Variants in ACSF3 observed in about 807,000 individuals in gnomAD.
ACSF3 encodes the protein acyl-CoA synthetase family member 3.
ACSF3 carries 78 observed loss-of-function variants against 53.2 expected under a neutral mutation model. That is an observed-to-expected ratio of 1.47 (90% confidence interval 1.22 to 1.77). ACSF3 has a LOEUF of 1.77. Ranked by LOEUF, ACSF3 falls within the 40% of genes most tolerant of loss-of-function variation. The probability of loss-of-function intolerance (pLI) is 0.00; values close to 1 mark genes in which losing one functional copy is unlikely to be tolerated. For missense variants in ACSF3, 937 were observed against 771.1 expected, an observed-to-expected ratio of 1.22 and a Z score of -2.55; for synonymous variants, 414 against 333.1, an observed-to-expected ratio of 1.24 and a Z score of -2.65.
intron 8 of ACSF3, among the ~76,000 whole-genome samples, chr16:89,134,540 G>C (rs917635567): frequency 6.6e-6 from 1 of 152,170 alleles, no homozygotes; most frequent in Non-Finnish European, 1.5e-5. Flanking sequence ...AGCTCAACTT[G>C]AGCCGTAACT....
At chr16:89,117,630 G>A (rs556976772) in intron 6 of ACSF3, among the ~76,000 whole-genome samples, 9 of 151,392 alleles carry the variant, frequency 5.9e-5, no homozygotes, top group Admixed American at 3.9e-4. Context: ...AGGGACCGCC[G>A]TCCACACCAA....
At chr16:89,119,663 T>A (rs1299589819) in intron 6 of ACSF3, among the ~76,000 whole-genome samples, 2 of 151,360 alleles carry the variant, frequency 1.3e-5, no homozygotes, top group Admixed American at 1.3e-4. Context: ...CTGACCAGAG[T>A]GGAGGTTCGG....
intron 4 of ACSF3, among the ~76,000 whole-genome samples, chr16:89,110,224 A>G (rs1976526345): frequency 6.6e-6 from 1 of 152,246 alleles, no homozygotes. Flanking sequence ...TTGCCAAACC[A>G]CAGGTCATGT....
intron 4 of ACSF3, among the ~76,000 whole-genome samples, chr16:89,109,850 G>A (rs1976481391): frequency 6.6e-6 from 1 of 152,202 alleles, no homozygotes. Context: ...GCCTCCCAAA[G>A]TGCCGGGATT....
intron 8 of ACSF3, among the ~76,000 whole-genome samples, chr16:89,143,935 T>G (rs1238714431): frequency 6.6e-6 from 1 of 152,228 alleles, no homozygotes. Flanking sequence ...GAAGTATTTA[T>G]GATTTATTCC....
chr16:89,104,796 C>G (rs1567691082), intron 4 of ACSF3, among the ~76,000 whole-genome samples: 1 of 152,220 alleles, frequency 6.6e-6, no homozygotes, highest in Non-Finnish European at 1.5e-5. Context: ...AGAGAAGGGG[C>G]TCTTCTCTAG....
chr16:89,146,424 G>A (rs180875639), intron 10 of ACSF3, among the ~76,000 whole-genome samples: 8 of 152,220 alleles, frequency 5.3e-5, no homozygotes, highest in East Asian at 3.9e-4. Context: ...CTGGCCGCAC[G>A]CGCTGGGCCC....
intron 5 of ACSF3, chr16:89,113,280 C>T (rs528676686): frequency 1.3e-5 from 2 of 152,466 alleles, no homozygotes; most frequent in East Asian, 3.9e-4. Flanking sequence ...CGCGCTCCTC[C>T]CAGTCCCCAG....
chr16:89,117,986 C>T (rs1464703931), intron 6 of ACSF3, among the ~76,000 whole-genome samples: 7 of 109,942 alleles, frequency 6.4e-5, no homozygotes, highest in Non-Finnish European at 4.0e-5. Flanking sequence ...ATTCCCTCTT[C>T]TCTAAGGCAG....
intron 8 of ACSF3, among the ~76,000 whole-genome samples, chr16:89,144,067 C>T (rs1183121629): frequency 1.3e-5 from 2 of 152,268 alleles, no homozygotes; most frequent in African/African-American, 4.8e-5. Context: ...CACATGCTCA[C>T]AGTCACGCAT....
chr16:89,116,683 A>G (rs1905174028), intron 6 of ACSF3, among the ~76,000 whole-genome samples: 1 of 152,146 alleles, frequency 6.6e-6, no homozygotes, highest in African/African-American at 2.4e-5. Context: ...GGGTGGGGGC[A>G]TGTTGTGAAA....
At chr16:89,095,821 C>G (rs1247802822) in intron 1 of ACSF3, among the ~76,000 whole-genome samples, 1 of 152,196 alleles carries the variant, frequency 6.6e-6, no homozygotes, top group Non-Finnish European at 1.5e-5. Flanking sequence ...TGAGGCAGGT[C>G]TTGTTACTGT....
chr16:89,111,438 C>T (rs528977853), intron 4 of ACSF3, among the ~76,000 whole-genome samples: 2 of 152,344 alleles, frequency 1.3e-5, no homozygotes, highest in African/African-American at 4.8e-5. Flanking sequence ...TCCTGGGCCT[C>T]CCTTAGGTGC....
chr16:89,125,694 A>T (rs1907871218), intron 7 of ACSF3, among the ~76,000 whole-genome samples: 1 of 73,430 alleles, frequency 1.4e-5, no homozygotes, highest in Admixed American at 1.6e-4. Context: ...GCCTCAAAAA[A>T]AAAAAGAGAG....
At chr16:89,125,653 T>C (rs1598010136) in intron 7 of ACSF3, among the ~76,000 whole-genome samples, 1 of 150,508 alleles carries the variant, frequency 6.6e-6, no homozygotes, top group East Asian at 1.9e-4. Flanking sequence ...ACTGCACCAC[T>C]GCACTCCAGC....
At chr16:89,138,073 G>A (rs1567734955) in intron 8 of ACSF3, among the ~76,000 whole-genome samples, 2 of 152,208 alleles carry the variant, frequency 1.3e-5, no homozygotes, top group Admixed American at 1.3e-4. Context: ...GAAAATCAGA[G>A]GGACAGCAGC....
chr16:89,156,088 G>A lies in ACSF3; in HGVS notation c.*1881G>A, dbSNP rs897838570. On this transcript the variant is annotated 3_prime_UTR_variant, in exon 11 of 11. Coordinates refer to ENST00000614302, the MANE Select transcript of ACSF3 (RefSeq NM_001243279.3). ...GAGTGACTCTCCAGCTGGTCCCTGTGCCAGGCTGGTCGGCCTTCGTGCACA... is the reference window on the plus strand; with the variant it reads ...GAGTGACTCTCCAGCTGGTCCCTGTACCAGGCTGGTCGGCCTTCGTGCACA... Among the ~76,000 whole-genome samples, 17 of 152,126 alleles carry A rather than the reference G, an allele frequency of 1.1e-4. No homozygotes were observed. The highest frequency in any genetic ancestry group is 2.4e-4 in the Non-Finnish European group (16 of 68,020).
At chr16:89,095,069 G>A (rs958708016) in intron 1 of ACSF3, 1 of 152,256 alleles carries the variant, frequency 6.6e-6, no homozygotes, top group Non-Finnish European at 1.5e-5. Context: ...GCCCAAGGCT[G>A]AGACCTTGTT....
chr16:89,130,210 T>C (rs1387663845), intron 7 of ACSF3, among the ~76,000 whole-genome samples: 1 of 152,236 alleles, frequency 6.6e-6, no homozygotes, highest in Non-Finnish European at 1.5e-5. Context: ...TTTATCTTCC[T>C]TCCTGAAGGA....
Sources: allele counts gnomAD v4.1 joint callset (sites outside exome capture counted in the v4.1 genomes callset), GRCh38; gene constraint gnomAD v4.1.1; transcripts MANE v1.5; gene names NCBI Gene and HGNC (gene_info 2026-07-23, HGNC 2026-07-21).